The following DYNC1I1 variants were observed in gnomAD, a reference collection of about 807,000 sequenced individuals.
The protein encoded by DYNC1I1 is dynein cytoplasmic 1 intermediate chain 1.
A neutral mutation model predicts 86.6 loss-of-function variants in DYNC1I1; 43 were observed. That is an observed-to-expected ratio of 0.50 (90% CI 0.39 to 0.64). The LOEUF (loss-of-function observed/expected upper bound fraction) is 0.64. Ranked by LOEUF, DYNC1I1 falls within the 30% of genes least tolerant of loss-of-function variation. DYNC1I1 has a pLI of 0.00. For synonymous variants in DYNC1I1, 262 were observed against 283.7 expected (o/e 0.92, Z 0.77); for missense variants, 604 against 788.8 (o/e 0.77, Z 2.81).
chr7:95,875,928 A>G (rs1305968607), intron 6 of DYNC1I1, among the ~76,000 whole-genome samples: 1 of 151,432 alleles, frequency 6.6e-6, no homozygotes, highest in Non-Finnish European at 1.5e-5. Context: ...GTCTACCTTC[A>G]GCCCATGCCA....
chr7:95,853,295 G>A (rs931607652), intron 5 of DYNC1I1, among the ~76,000 whole-genome samples: 9 of 152,088 alleles, frequency 5.9e-5, no homozygotes, highest in African/African-American at 1.7e-4. Context: ...CATTATCATG[G>A]GAATGGGTTT....
At chr7:96,106,379 C>CA (rs1015017417) in intron 16 of DYNC1I1, among the ~76,000 whole-genome samples, 2 of 151,804 alleles carry the variant, frequency 1.3e-5, no homozygotes, top group African/African-American at 4.8e-5. Context: ...ACTAAAAATG[C>CA]AAAAAATTAG....
chr7:95,843,983 G>A (rs938254973), intron 5 of DYNC1I1, among the ~76,000 whole-genome samples: 3 of 152,206 alleles, frequency 2.0e-5, no homozygotes, highest in African/African-American at 7.2e-5. Context: ...GAAAATTTGA[G>A]GGAGGGATTA....
Position 95,884,065 on chromosome 7 carries a change from G to A in DYNC1I1, c.490+14067G>A, listed in dbSNP as rs551031150. On this transcript the variant is annotated intron_variant, in intron 6 of 16. Coordinates refer to ENST00000447467, the MANE Select transcript of DYNC1I1 (RefSeq NM_001135556.2). ...CTGGTTCTGGAAATTGATCTTTGAT[G>A]ATAATGATAGGATAACTGCAGGGAA... Among the ~76,000 whole-genome samples, 12 of 152,306 alleles carry A rather than the reference G, an allele frequency of 7.9e-5. No homozygotes were observed. In the South Asian group the frequency reaches 2.3e-3, roughly 29 times the overall value.
intron 6 of DYNC1I1, among the ~76,000 whole-genome samples, chr7:95,933,696 G>A (rs1318406828): frequency 6.6e-6 from 1 of 152,004 alleles, no homozygotes; most frequent in Non-Finnish European, 1.5e-5. Flanking sequence ...CTGCACTGAA[G>A]GCAGTGACAC....
In DYNC1I1 at chr7:95,823,966, A is replaced by ATT. The variant is rs200764012; in HGVS notation, c.315-4090_315-4089insTT. On this transcript the variant is annotated intron_variant, in intron 4 of 16. Coordinates refer to ENST00000447467, the MANE Select transcript of DYNC1I1 (RefSeq NM_001135556.2). ...GTTCTACTAAACTATATATATATAT[A>ATT]TATATATATATATGTTTTGGTTTTT... is the stretch of plus-strand genomic sequence containing the variant. Among the ~76,000 whole-genome samples, 613 of 109,106 alleles carry ATT rather than the reference A, an allele frequency of 5.6e-3. 31 individuals carry two copies. Among genetic ancestry groups the ATT allele is most frequent in the East Asian group, 0.039 (137 of 3,514 alleles). The allele number at this position is 109,106 out of a possible 152,430, so 71.6% of individuals were successfully genotyped here.
chr7:96,033,564 T>C (rs764838847), intron 12 of DYNC1I1, among the ~76,000 whole-genome samples: 8 of 152,218 alleles, frequency 5.3e-5, no homozygotes, highest in Non-Finnish European at 7.3e-5. Flanking sequence ...GTCATTGTTA[T>C]AGACTTTGAC....
At chr7:96,000,522 C>A (rs773642638) in intron 10 of DYNC1I1, among the ~76,000 whole-genome samples, 1 of 152,158 alleles carries the variant, frequency 6.6e-6, no homozygotes, top group Non-Finnish European at 1.5e-5. Context: ...TTGTGCCTTT[C>A]GGAAAAGGCA....
At chr7:96,005,391 C>T (rs1794115723) in intron 10 of DYNC1I1, among the ~76,000 whole-genome samples, 2 of 152,172 alleles carry the variant, frequency 1.3e-5, no homozygotes, top group African/African-American at 4.8e-5. Context: ...TCCCAGTCCA[C>T]ATTTTAGTAA....
chr7:95,885,554 C>A (rs1790571961), intron 6 of DYNC1I1, among the ~76,000 whole-genome samples: 1 of 152,182 alleles, frequency 6.6e-6, no homozygotes, highest in Non-Finnish European at 1.5e-5. Flanking sequence ...TCATAGCTCA[C>A]TGCAGGCTCA....
At chr7:95,894,706 G>C (rs1464806458) in intron 6 of DYNC1I1, among the ~76,000 whole-genome samples, 1 of 152,162 alleles carries the variant, frequency 6.6e-6, no homozygotes, top group Non-Finnish European at 1.5e-5. Flanking sequence ...AAATAAGTTT[G>C]TTTATTCCTG....
At chr7:95,844,149 A>G (rs1158636953) in intron 5 of DYNC1I1, among the ~76,000 whole-genome samples, 1 of 152,216 alleles carries the variant, frequency 6.6e-6, no homozygotes, top group Non-Finnish European at 1.5e-5. Flanking sequence ...GATAACAATG[A>G]GCAATGAGGG....
At chr7:96,109,948 GCCTA>G (rs113436222) in intron 16 of DYNC1I1, 38 of 287,946 alleles carry the variant, frequency 1.3e-4, no homozygotes, top group Middle Eastern at 9.3e-4. Flanking sequence ...CTGATTTTCT[GCCTA>G]CCTTTTTTTT....
At chr7:95,993,195 A>G (rs1184268078) in intron 9 of DYNC1I1, among the ~76,000 whole-genome samples, 1 of 152,194 alleles carries the variant, frequency 6.6e-6, no homozygotes, top group African/African-American at 2.4e-5. Context: ...GGCACCTTGA[A>G]ATCCCAAAAA....
In DYNC1I1 at chr7:95,959,045, G is replaced by A. The variant is rs1218022236; in HGVS notation, c.491-18467G>A. Among the ~76,000 whole-genome samples, 6 of 152,198 alleles carry A rather than the reference G, an allele frequency of 3.9e-5. No individual in the cohort carries two copies. In the East Asian group the frequency reaches 1.2e-3, roughly 29 times the overall value. ...GGAGGTAAACTTGAAGCTATGCTTTGAAGGATGAATAGGAGTTAAGTGAAT... is the reference window on the plus strand; with the variant it reads ...GGAGGTAAACTTGAAGCTATGCTTTAAAGGATGAATAGGAGTTAAGTGAAT... On this transcript the variant is annotated intron_variant, in intron 6 of 16. Transcript: ENST00000447467.
chr7:95,910,175 A>G (rs184042054), intron 6 of DYNC1I1, among the ~76,000 whole-genome samples: 1 of 151,764 alleles, frequency 6.6e-6, no homozygotes, highest in Non-Finnish European at 1.5e-5. Context: ...TTTCATTTCC[A>G]CTCAATATTG....
At chr7:95,854,735 A>G (rs959426936) in intron 5 of DYNC1I1, among the ~76,000 whole-genome samples, 2 of 152,204 alleles carry the variant, frequency 1.3e-5, no homozygotes, top group Non-Finnish European at 2.9e-5. Context: ...ACAGTTCACA[A>G]ATCAGGTAGG....
chr7:95,813,455 C>A (rs940824197), intron 4 of DYNC1I1, 118 bp downstream of exon 4: 36 of 1,270,226 alleles, frequency 2.8e-5, no homozygotes, highest in Non-Finnish European at 3.7e-5. Context: ...TGTACTTGGA[C>A]ATCTTATGTT....
At chr7:95,939,093 G>A (rs1745168205) in intron 6 of DYNC1I1, among the ~76,000 whole-genome samples, 1 of 152,142 alleles carries the variant, frequency 6.6e-6, no homozygotes, top group South Asian at 2.1e-4. Flanking sequence ...CAGTTTCCAT[G>A]TAGTTGAGTG....
Sources: allele counts gnomAD v4.1 joint callset (sites outside exome capture counted in the v4.1 genomes callset), GRCh38; gene constraint gnomAD v4.1.1; transcripts MANE v1.5; gene names NCBI Gene and HGNC (gene_info 2026-07-23, HGNC 2026-07-21).